Variants in TWSG1 observed in about 807,000 individuals in gnomAD.
TWSG1 encodes twisted gastrulation protein homolog 1.
A neutral mutation model predicts 23.0 loss-of-function variants in TWSG1; 15 were observed. The ratio of observed to expected loss-of-function variants is 0.65; its 90% CI spans 0.44 to 1.00. TWSG1 has a LOEUF of 1.00. Among genes scored for constraint, TWSG1 ranks in the 50% least tolerant of loss-of-function variants. The probability of loss-of-function intolerance (pLI) is 0.00; values close to 1 mark genes in which losing one functional copy is unlikely to be tolerated. For synonymous variants in TWSG1, 86 were observed against 92.8 expected (o/e 0.93, Z 0.42); for missense variants, 242 against 278.7 (o/e 0.87, Z 0.94).
intron 4 of TWSG1, 45 bp downstream of exon 4, chr18:9,396,591 G>T: frequency 1.4e-5 from 23 of 1,588,908 alleles, no homozygotes; most frequent in Non-Finnish European, 2.0e-5. Context: ...CCCTCATGTG[G>T]TCTGTCCATG....
In TWSG1 at chr18:9,400,118, C is replaced by G. The variant is rs944055242; in HGVS notation, c.*591C>G. 1 of 152,132 alleles carries G rather than the reference C, an allele frequency of 6.6e-6. No homozygotes were observed. Among genetic ancestry groups the G allele is most frequent in the Non-Finnish European group, 1.5e-5 (1 of 68,042 alleles). 9.4% of individuals were successfully genotyped at this position (152,132 alleles called of 1,614,324 possible). On this transcript the variant is annotated 3_prime_UTR_variant, in exon 5 of 5. Transcript: ENST00000262120. ...TTACCATATTTTATAATTGAGAACT[C>G]TTACATAGTAGAATCCATTCTATAA...
At chr18:9,351,754 C>T (rs569070770) in intron 2 of TWSG1, among the ~76,000 whole-genome samples, 114 of 151,988 alleles carry the variant, frequency 7.5e-4, no homozygotes, top group African/African-American at 2.7e-3. Context: ...AAGTGATTCT[C>T]CTGCCTCAGC....
chr18:9,382,217 G>T (rs1456246036), intron 3 of TWSG1, among the ~76,000 whole-genome samples: 1 of 150,424 alleles, frequency 6.6e-6, no homozygotes, highest in African/African-American at 2.5e-5. Flanking sequence ...ACAAGAGGAG[G>T]CTGGGCGAGG....
At chr18:9,357,944 C>A (rs2040534580) in intron 2 of TWSG1, among the ~76,000 whole-genome samples, 1 of 151,906 alleles carries the variant, frequency 6.6e-6, no homozygotes, top group Non-Finnish European at 1.5e-5. Context: ...AGTGAAGAAA[C>A]CATGGGAGTA....
rs1451004559 is a variant in TWSG1 at position 9,399,388 on chromosome 18, T to C, written c.533T>C (p.Ile178Thr). The change falls in exon 5 of 5, where the codon ATA (isoleucine) becomes ACA (threonine). Residue 178 changes from isoleucine to threonine, a missense_variant. Coordinates refer to ENST00000262120, the MANE Select transcript of TWSG1 (RefSeq NM_020648.6). ...TVVYFDDCMSIHQCKISCESM... is the reference protein window; with the variant it reads ...TVVYFDDCMSTHQCKISCESM... ...GTTTATTTTGATGACTGCATGTCCA[T>C]ACATCAGTGTAAAATATCCTGTGAG... The C allele has an allele frequency of 6.2e-7, 1 of 1,613,654 alleles. No individual in the cohort carries two copies. The highest frequency in any genetic ancestry group is 1.3e-5 in the African/African-American group (1 of 74,912).
intron 2 of TWSG1, among the ~76,000 whole-genome samples, chr18:9,357,881 T>C (rs1446296057): frequency 6.6e-6 from 1 of 152,074 alleles, no homozygotes; most frequent in Non-Finnish European, 1.5e-5. Context: ...ATTACCACAC[T>C]TTCACCTAAT....
intron 3 of TWSG1, among the ~76,000 whole-genome samples, chr18:9,389,387 A>G (rs2040700936): frequency 6.6e-6 from 1 of 152,210 alleles, no homozygotes; most frequent in South Asian, 2.1e-4. Context: ...ACGTATAGAT[A>G]TAGTTATTAG....
chr18:9,396,234 G>T, intron 3 of TWSG1, 46 bp from the exon 4 acceptor site: 1 of 1,558,272 alleles, frequency 6.4e-7, no homozygotes, highest in Non-Finnish European at 8.8e-7. Flanking sequence ...AGCTCTGATT[G>T]CAAGGCAGTA....
chr18:9,388,042 T>TGGTC (rs1013189773), intron 3 of TWSG1: 1 of 152,234 alleles, frequency 6.6e-6, no homozygotes, highest in African/African-American at 2.4e-5. Context: ...TCATCCAGAT[T>TGGTC]GACCCTCCTT....
intron 2 of TWSG1, among the ~76,000 whole-genome samples, chr18:9,339,201 T>C (rs2145589462): frequency 8.8e-6 from 1 of 113,122 alleles, no homozygotes. Flanking sequence ...CAAGACCCTG[T>C]CTCAAAAAAA....
intron 3 of TWSG1, among the ~76,000 whole-genome samples, chr18:9,392,339 CT>C (rs1314097553): frequency 6.6e-6 from 1 of 152,234 alleles, no homozygotes; most frequent in African/African-American, 2.4e-5. Context: ...TCTCGTTGCA[CT>C]TTTATGTTAT....
intron 2 of TWSG1, among the ~76,000 whole-genome samples, chr18:9,338,631 A>G (rs577421848): frequency 6.6e-6 from 1 of 152,316 alleles, no homozygotes; most frequent in African/African-American, 2.4e-5. Flanking sequence ...TTAATCACCT[A>G]ATTTTGTATG....
intron 3 of TWSG1, among the ~76,000 whole-genome samples, chr18:9,364,420 A>G (rs987136016): frequency 6.6e-6 from 1 of 152,158 alleles, no homozygotes; most frequent in African/African-American, 2.4e-5. Flanking sequence ...TCCCTTTGTG[A>G]TAAAGGTCCC....
At chr18:9,356,193 A>C (rs201753939) in intron 2 of TWSG1, among the ~76,000 whole-genome samples, 1 of 152,220 alleles carries the variant, frequency 6.6e-6, no homozygotes, top group African/African-American at 2.4e-5. Context: ...ACTAAATTAT[A>C]AAGCAGTAAG....
chr18:9,340,907 T>C (rs1039246025), intron 2 of TWSG1, among the ~76,000 whole-genome samples: 6 of 152,272 alleles, frequency 3.9e-5, no homozygotes, highest in African/African-American at 7.2e-5. Context: ...ATATGACTAG[T>C]GGCCACGTAT....
At chr18:9,344,882 G>A (rs7233925) in intron 2 of TWSG1, among the ~76,000 whole-genome samples, 101,218 of 151,738 alleles carry the variant, frequency 0.67, 34,235 homozygotes, top group Middle Eastern at 0.75. Context: ...TGAGTAGCTA[G>A]GACTACAGGT....
chr18:9,340,628 A>G (rs1386547689), intron 2 of TWSG1, among the ~76,000 whole-genome samples: 1 of 152,154 alleles, frequency 6.6e-6, no homozygotes, highest in Non-Finnish European at 1.5e-5. Context: ...TTGCTCACGA[A>G]TTTGCATTCT....
chr18:9,344,546 T>TGA (rs59110912), intron 2 of TWSG1, among the ~76,000 whole-genome samples: 3 of 149,094 alleles, frequency 2.0e-5, no homozygotes, highest in South Asian at 2.1e-4. Context: ...TTTTTTTTTT[T>TGA]GAGAGAGGAT....
rs5823052 is a variant in TWSG1 at position 9,371,037 on chromosome 18, TA to T, written c.223+10978del. Among the ~76,000 whole-genome samples the T allele has an allele frequency of 2.0e-3, 289 of 145,970 alleles. 1 individual carries two copies. The highest frequency in any genetic ancestry group is 7.0e-3 in the Middle Eastern group (2 of 284). ...CAGTACCTTTATTCCAGATTAAACT[TA>T]AAAAAAAAAAACCCTTTTGTGTGAT... On this transcript the variant is annotated intron_variant, in intron 3 of 4. Transcript: ENST00000262120.
Sources: allele counts gnomAD v4.1 joint callset (sites outside exome capture counted in the v4.1 genomes callset), GRCh38; gene constraint gnomAD v4.1.1; transcripts MANE v1.5; gene names NCBI Gene and HGNC (gene_info 2026-07-23, HGNC 2026-07-21).